PRKG1: variants seen among roughly 807,000 people sequenced by gnomAD.
PRKG1 encodes the protein protein kinase cGMP-dependent 1, also known as cGMP-dependent protein kinase 1.
PRKG1 carries 35 observed loss-of-function variants against 88.1 expected under a neutral mutation model. The observed-to-expected ratio is 0.40, with a 90% CI of 0.30 to 0.53. The LOEUF (loss-of-function observed/expected upper bound fraction) is 0.53. Ranked by LOEUF, PRKG1 falls within the 20% of genes least tolerant of loss-of-function variation. The probability of loss-of-function intolerance (pLI) is 0.59; values close to 1 mark genes in which losing one functional copy is unlikely to be tolerated. For synonymous variants in PRKG1, 303 were observed against 292.5 expected, an observed-to-expected ratio of 1.04 and a Z score of -0.37; for missense variants, 540 against 839.8, an observed-to-expected ratio of 0.64 and a Z score of 4.41.
At chr10:51,968,337 A>G (rs1337734102) in intron 5 of PRKG1, among the ~76,000 whole-genome samples, 1 of 152,090 alleles carries the variant, frequency 6.6e-6, no homozygotes, top group Non-Finnish European at 1.5e-5. Context: ...GCTCCAGGCT[A>G]TGTAGGCACA....
intron 1 of PRKG1, among the ~76,000 whole-genome samples, chr10:51,144,042 C>T (rs964767238): frequency 6.6e-6 from 1 of 151,874 alleles, no homozygotes; most frequent in Non-Finnish European, 1.5e-5. Context: ...AAAATCCTTG[C>T]CTGGATCAGT....
intron 17 of PRKG1, among the ~76,000 whole-genome samples, chr10:52,292,251 G>A (rs368160003): frequency 4.6e-5 from 7 of 150,754 alleles, no homozygotes; most frequent in Admixed American, 2.0e-4. Flanking sequence ...TGCAGTGCAG[G>A]AGCTCTTTAG....
chr10:51,914,171 C>T (rs1842286487), intron 5 of PRKG1, among the ~76,000 whole-genome samples: 1 of 151,864 alleles, frequency 6.6e-6, no homozygotes, highest in Non-Finnish European at 1.5e-5. Flanking sequence ...GAAATAGCTC[C>T]CTTTAATTAT....
intron 9 of PRKG1, among the ~76,000 whole-genome samples, chr10:52,244,266 A>T (rs1840945973): frequency 6.6e-6 from 1 of 152,164 alleles, no homozygotes; most frequent in African/African-American, 2.4e-5. Context: ...TGAAAACATG[A>T]TTTAGCAGAA....
chr10:51,239,907 T>C (rs1006063965), intron 2 of PRKG1, among the ~76,000 whole-genome samples: 5 of 152,182 alleles, frequency 3.3e-5, no homozygotes, highest in Non-Finnish European at 4.4e-5. Flanking sequence ...GTAAATCTAA[T>C]TATTTTTGCA....
Position 52,219,248 on chromosome 10 carries a change from GAAAAT to G in PRKG1, c.1077-32313_1077-32309del, listed in dbSNP as rs766242571. 3.9e-5 allele frequency among the ~76,000 whole-genome samples: 6 copies of G among 152,042 alleles called. No individual in the cohort carries two copies. In the East Asian group the frequency reaches 5.8e-4, roughly 15 times the overall value. On this transcript the variant is annotated intron_variant, in intron 9 of 17. Transcript: ENST00000373980. ...CTTATGAGAATTAGAAAAGTCATAG[GAAAAT>G]AAAATAAAGAAATTAGCTGAAAAGA... is the stretch of plus-strand genomic sequence containing the variant.
At chr10:51,667,631 G>A (rs893834622) in intron 3 of PRKG1, among the ~76,000 whole-genome samples, 6 of 152,102 alleles carry the variant, frequency 3.9e-5, no homozygotes, top group South Asian at 2.1e-4. Flanking sequence ...AGTGAGCATC[G>A]TAGAAGTCCT....
intron 9 of PRKG1, among the ~76,000 whole-genome samples, chr10:52,215,441 A>G (rs1840087116): frequency 1.3e-5 from 2 of 152,224 alleles, no homozygotes; most frequent in East Asian, 1.9e-4. Context: ...TGCTATAAGC[A>G]TTCTATGCTA....
At position 51,361,337 on chromosome 10, in the gene PRKG1, C is replaced by A. The variant is rs532341879; in HGVS notation, c.479-106386C>A. On this transcript the variant is annotated intron_variant, in intron 2 of 17. Coordinates refer to ENST00000373980, the MANE Select transcript of PRKG1 (RefSeq NM_006258.4). ...TAACAGTATAGGTACCATGATTATACTCGCTTGGCATTTGTAATTGTTGTT... is the reference window on the plus strand; with the variant it reads ...TAACAGTATAGGTACCATGATTATAATCGCTTGGCATTTGTAATTGTTGTT... Among the ~76,000 whole-genome samples, 3 of 151,976 alleles carry A rather than the reference C, an allele frequency of 2.0e-5. No homozygotes were observed. In the East Asian group the frequency reaches 5.8e-4, roughly 30 times the overall value.
chr10:51,445,531 T>A (rs1564498810), intron 2 of PRKG1, among the ~76,000 whole-genome samples: 1 of 151,758 alleles, frequency 6.6e-6, no homozygotes, highest in Admixed American at 6.6e-5. Context: ...AGGTTAAATA[T>A]AACAACAACA....
At chr10:51,523,492 A>T (rs1434765375) in intron 3 of PRKG1, among the ~76,000 whole-genome samples, 7 of 152,166 alleles carry the variant, frequency 4.6e-5, no homozygotes, top group Non-Finnish European at 1.0e-4. Context: ...CCTAGTTATG[A>T]CCTAGTTAAC....
At position 51,813,533 on chromosome 10, in the gene PRKG1, G is replaced by A. The variant is rs144112491; in HGVS notation, c.698+8843G>A. On this transcript the variant is annotated intron_variant, in intron 4 of 17. Coordinates refer to ENST00000373980, the MANE Select transcript of PRKG1 (RefSeq NM_006258.4). The stretch of plus-strand genomic sequence containing the variant: ...ATTAACTTATTCTCAACAAAAATTC[G>A]TAAAGTACTATTATAACATCATTTC... Among the ~76,000 whole-genome samples the A allele has an allele frequency of 3.6e-3, 553 of 152,232 alleles. 2 individuals are homozygous for A. The highest frequency in any genetic ancestry group is 0.012 in the African/African-American group (503 of 41,542).
intron 2 of PRKG1, among the ~76,000 whole-genome samples, chr10:51,330,104 CTTTTATTTA>C (rs1564448949): frequency 8.4e-6 from 1 of 118,970 alleles, no homozygotes; most frequent in Non-Finnish European, 1.8e-5. Context: ...TACATTTGCT[CTTTTATTTA>C]TTTATTTATT....
At chr10:51,499,312 T>C (rs1840954850) in intron 3 of PRKG1, among the ~76,000 whole-genome samples, 1 of 152,172 alleles carries the variant, frequency 6.6e-6, no homozygotes, top group African/African-American at 2.4e-5. Context: ...TACCATAGGA[T>C]GTGTCAGGAT....
intron 1 of PRKG1, among the ~76,000 whole-genome samples, chr10:51,007,181 G>C (rs766947215): frequency 6.6e-6 from 1 of 151,840 alleles, no homozygotes; most frequent in African/African-American, 2.4e-5. Flanking sequence ...TCCTGACCTC[G>C]TGATCCACCC....
intron 2 of PRKG1, among the ~76,000 whole-genome samples, chr10:51,440,201 A>AT (rs34652760): frequency 0.25 from 37,155 of 150,070 alleles, 5,328 homozygotes; most frequent in Non-Finnish European, 0.34. Context: ...GTGCAGTTTG[A>AT]TTTTTTTTTT....
Position 52,212,391 on chromosome 10 carries a change from T to C in PRKG1, c.1077-39179T>C, listed in dbSNP as rs535478358. Among the ~76,000 whole-genome samples, 20 of 152,276 alleles carry C rather than the reference T, an allele frequency of 1.3e-4. 1 individual carries two copies. In the South Asian group the frequency reaches 4.1e-3, roughly 32 times the overall value. Reference sequence around the variant, plus strand: ...ACTTAAAATAGGAAAGGAGGCAGCTTTAGGCTAACCTTAATTTAACACTGG... The same window carrying C: ...ACTTAAAATAGGAAAGGAGGCAGCTCTAGGCTAACCTTAATTTAACACTGG... On this transcript the variant is annotated intron_variant, in intron 9 of 17. Transcript: ENST00000373980.
chr10:51,177,380 C>G (rs888100679), intron 2 of PRKG1, among the ~76,000 whole-genome samples: 1 of 152,164 alleles, frequency 6.6e-6, no homozygotes, highest in East Asian at 1.9e-4. Flanking sequence ...CTACTAACTA[C>G]AAATGTAAAT....
At chr10:51,092,432 A>G (rs1025957889) in intron 1 of PRKG1, among the ~76,000 whole-genome samples, 2 of 152,134 alleles carry the variant, frequency 1.3e-5, no homozygotes, top group African/African-American at 4.8e-5. Context: ...AGAAGACGAA[A>G]TGGTCTCTAA....
Sources: gnomAD v4.1 joint callset for allele counts (sites outside exome capture counted in the v4.1 genomes callset) on GRCh38, gnomAD v4.1.1 for gene constraint, MANE v1.5 for transcripts, NCBI Gene and HGNC (gene_info 2026-07-23, HGNC 2026-07-21) for gene names.